The following POU6F2 variants were observed in gnomAD, a reference collection of about 807,000 sequenced individuals.
POU6F2 encodes POU class 6 homeobox 2.
In POU6F2, 31 loss-of-function variants were observed where a neutral mutation model predicts 71.3. The observed-to-expected ratio is 0.43, with a 90% CI of 0.33 to 0.59. The LOEUF is 0.59. Ranked by LOEUF, POU6F2 falls within the 20% of genes least tolerant of loss-of-function variation. The probability of loss-of-function intolerance (pLI) is 0.04; values close to 1 mark genes in which losing one functional copy is unlikely to be tolerated. For synonymous variants in POU6F2, 347 were observed against 355.7 expected, an observed-to-expected ratio of 0.98 and a Z score of 0.27; for missense variants, 783 against 856.8, an observed-to-expected ratio of 0.91 and a Z score of 1.07.
At chr7:39,147,888 A>C (rs2128733338) in intron 2 of POU6F2, among the ~76,000 whole-genome samples, 1 of 152,304 alleles carries the variant, frequency 6.6e-6, no homozygotes, top group South Asian at 2.1e-4. Context: ...TCTGCAGCCC[A>C]CACTCACTTT....
intron 5 of POU6F2, among the ~76,000 whole-genome samples, chr7:39,377,626 C>A (rs1406253157): frequency 1.3e-5 from 2 of 152,144 alleles, no homozygotes; most frequent in Non-Finnish European, 2.9e-5. Context: ...CAGTAACTAG[C>A]TCCCTGCTCC....
At position 39,076,123 on chromosome 7, in the gene POU6F2, A is replaced by C. The variant is rs374232276; in HGVS notation, c.106-9737A>C. Among the ~76,000 whole-genome samples, 58 of 152,230 alleles carry C rather than the reference A, an allele frequency of 3.8e-4. 2 individuals are homozygous for C. In the South Asian group the frequency reaches 0.012, roughly 32 times the overall value. ...TGAATGTATGCTGAAAATATCAACC[A>C]AAGCTAACCTTTGCTCTGAACTTCC... On this transcript the variant is annotated intron_variant, in intron 1 of 9. Transcript: ENST00000518318.
At chr7:39,010,855 G>C (rs1010176673) in intron 1 of POU6F2, among the ~76,000 whole-genome samples, 2 of 151,448 alleles carry the variant, frequency 1.3e-5, no homozygotes, top group Non-Finnish European at 2.9e-5. Context: ...TCTTAATCCT[G>C]AGTGCTAGTT....
chr7:39,335,984 T>C (rs1007768198), intron 4 of POU6F2, among the ~76,000 whole-genome samples: 5 of 152,206 alleles, frequency 3.3e-5, no homozygotes, highest in African/African-American at 1.2e-4. Flanking sequence ...TGCTGGTGGC[T>C]GCCCTGACCC....
intron 5 of POU6F2, among the ~76,000 whole-genome samples, chr7:39,384,017 A>T (rs977961020): frequency 6.6e-6 from 1 of 152,244 alleles, no homozygotes; most frequent in African/African-American, 2.4e-5. Context: ...CAACCCAGAT[A>T]GGGGTCTCAA....
At chr7:39,207,334 T>C in intron 3 of POU6F2, 58 bp from the exon 4 acceptor site, 1 of 1,532,012 alleles carries the variant, frequency 6.5e-7, no homozygotes, top group Non-Finnish European at 8.9e-7. Flanking sequence ...AAGATGTTTT[T>C]AAAACCCATG....
intron 2 of POU6F2, among the ~76,000 whole-genome samples, chr7:39,110,201 G>A (rs950874896): frequency 2.0e-5 from 3 of 150,196 alleles, no homozygotes; most frequent in African/African-American, 7.3e-5. Context: ...AACCTGGGAG[G>A]TGGAGGTTGC....
chr7:39,030,462 A>G (rs13242896), intron 1 of POU6F2, among the ~76,000 whole-genome samples: 40,803 of 129,984 alleles, frequency 0.31, 7,017 homozygotes, highest in East Asian at 0.72. Context: ...CAAAGGAACA[A>G]TTTTTGCTAA....
At chr7:39,174,622 C>A (rs535529282) in intron 2 of POU6F2, among the ~76,000 whole-genome samples, 1 of 152,134 alleles carries the variant, frequency 6.6e-6, no homozygotes, top group Non-Finnish European at 1.5e-5. Context: ...CTCCTTCCTT[C>A]ACCCCATGGC....
chr7:39,025,019 T>A (rs1489626959), intron 1 of POU6F2, among the ~76,000 whole-genome samples: 2 of 152,164 alleles, frequency 1.3e-5, no homozygotes, highest in Admixed American at 6.5e-5. Flanking sequence ...GCTGGCCTCA[T>A]AAAATGAGTT....
chr7:39,256,390 G>A (rs889323919), intron 4 of POU6F2, among the ~76,000 whole-genome samples: 2 of 152,090 alleles, frequency 1.3e-5, no homozygotes, highest in Admixed American at 6.6e-5. Context: ...GGGAAAAAGA[G>A]GGACAGTACT....
At chr7:39,121,968 G>A (rs1792052641) in intron 2 of POU6F2, among the ~76,000 whole-genome samples, 1 of 152,126 alleles carries the variant, frequency 6.6e-6, no homozygotes, top group African/African-American at 2.4e-5. Context: ...TAAAGTTCTG[G>A]GATTATAGGC....
chr7:38,989,684 A>G (rs1051950576), intron 1 of POU6F2, among the ~76,000 whole-genome samples: 3 of 152,076 alleles, frequency 2.0e-5, no homozygotes, highest in East Asian at 1.9e-4. Context: ...GAGTTTACCT[A>G]TTAATGCATA....
At chr7:39,195,692 A>G (rs1047607407) in intron 2 of POU6F2, among the ~76,000 whole-genome samples, 15 of 152,132 alleles carry the variant, frequency 9.9e-5, no homozygotes, top group Non-Finnish European at 2.2e-4. Context: ...AGAAGGTGTC[A>G]GATGGGGAAG....
chr7:39,235,781 C>T (rs905344634), intron 4 of POU6F2, among the ~76,000 whole-genome samples: 2 of 152,116 alleles, frequency 1.3e-5, no homozygotes, highest in African/African-American at 2.4e-5. Context: ...AGCTAGCAAA[C>T]GGAAATCATA....
intron 4 of POU6F2, among the ~76,000 whole-genome samples, chr7:39,220,954 G>A (rs1030626818): frequency 6.6e-6 from 1 of 151,882 alleles, no homozygotes; most frequent in African/African-American, 2.4e-5. Context: ...TCACACAAAT[G>A]CAAAATATCT....
At chr7:39,065,435 A>G (rs1790736355) in intron 1 of POU6F2, among the ~76,000 whole-genome samples, 1 of 151,670 alleles carries the variant, frequency 6.6e-6, no homozygotes, top group African/African-American at 2.4e-5. Context: ...AAATTCACAA[A>G]AGTGTGAAAA....
At chr7:39,369,175 G>T (rs1215169523) in intron 5 of POU6F2, among the ~76,000 whole-genome samples, 1 of 152,140 alleles carries the variant, frequency 6.6e-6, no homozygotes, top group African/African-American at 2.4e-5. Flanking sequence ...ACTGCTGGTT[G>T]CTAAGACAGC....
chr7:39,443,501 CTG>C (rs1788457430), intron 7 of POU6F2, among the ~76,000 whole-genome samples: 2 of 152,292 alleles, frequency 1.3e-5, no homozygotes, highest in South Asian at 4.1e-4. Context: ...ATCCAGAAAA[CTG>C]ATGGTGAACC....
Sources: allele counts gnomAD v4.1 joint callset (sites outside exome capture counted in the v4.1 genomes callset), GRCh38; gene constraint gnomAD v4.1.1; transcripts MANE v1.5; gene names NCBI Gene and HGNC (gene_info 2026-07-23, HGNC 2026-07-21).